Variants in LDLRAP1 observed in about 807,000 individuals in gnomAD.
The protein encoded by LDLRAP1 is low density lipoprotein receptor adaptor protein 1, also known as low density lipoprotein receptor adapter protein 1.
A neutral mutation model predicts 37.8 loss-of-function variants in LDLRAP1; 30 were observed. The ratio of observed to expected loss-of-function variants is 0.79; its 90% CI spans 0.59 to 1.08. The LOEUF is 1.08. Among genes scored for constraint, LDLRAP1 ranks in the 50% least tolerant of loss-of-function variants. The probability of loss-of-function intolerance (pLI) is 0.00; values close to 1 mark genes in which losing one functional copy is unlikely to be tolerated. For synonymous variants in LDLRAP1, 156 were observed against 169.8 expected, an observed-to-expected ratio of 0.92 and a Z score of 0.63; for missense variants, 375 against 401.6, an observed-to-expected ratio of 0.93 and a Z score of 0.57.
chr1:25,573,436 G>A (rs1368818144), downstream of LDLRAP1, among the ~76,000 whole-genome samples: 2 of 152,182 alleles, frequency 1.3e-5, no homozygotes, highest in Non-Finnish European at 2.9e-5. Context: ...TGTAGGTCCC[G>A]GTGGCTGCAT....
chr1:25,582,845 G>A, the LDLRAP1 span, among the ~76,000 whole-genome samples: 1 of 152,032 alleles, frequency 6.6e-6, no homozygotes, highest in East Asian at 1.9e-4. Context: ...GCCGAGGTGG[G>A]CGGATTACCT....
At chr1:25,586,710 C>T in the LDLRAP1 span, among the ~76,000 whole-genome samples, 1 of 152,258 alleles carries the variant, frequency 6.6e-6, no homozygotes, top group Non-Finnish European at 1.5e-5. The surrounding 1 kb of genome is among the most constrained non-coding windows in gnomAD (Gnocchi z 4.3). Flanking sequence ...GCTTCTCCTG[C>T]CTCACTCCCA....
the LDLRAP1 span, among the ~76,000 whole-genome samples, chr1:25,574,699 G>C: frequency 4.6e-5 from 7 of 152,148 alleles, no homozygotes; most frequent in African/African-American, 1.7e-4. Context: ...CGAGTGTTCT[G>C]GGCATGCTAT....
intron 3 of LDLRAP1, among the ~76,000 whole-genome samples, chr1:25,556,570 C>G (rs74060929): frequency 1.3e-5 from 2 of 152,064 alleles, no homozygotes; most frequent in Non-Finnish European, 2.9e-5. Flanking sequence ...GGGCATGGAT[C>G]GGAGGGCAGG....
At chr1:25,576,536 A>G in the LDLRAP1 span, among the ~76,000 whole-genome samples, 2 of 152,346 alleles carry the variant, frequency 1.3e-5, no homozygotes. Context: ...CAAAAAAACA[A>G]AAAACAAAAT....
intron 1 of LDLRAP1, among the ~76,000 whole-genome samples, chr1:25,548,333 CTCTT>C (rs1468328281): frequency 1.6e-5 from 2 of 124,470 alleles, no homozygotes. Context: ...TGGATGGATA[CTCTT>C]TTTTTTTTTT....
At chr1:25,577,826 A>G in the LDLRAP1 span, among the ~76,000 whole-genome samples, 577 of 152,298 alleles carry the variant, frequency 3.8e-3, 1 homozygote, top group African/African-American at 0.013. Context: ...AATGGGGGTG[A>G]TAGTGGGGCT....
At chr1:25,582,313 G>T in the LDLRAP1 span, among the ~76,000 whole-genome samples, 3 of 152,292 alleles carry the variant, frequency 2.0e-5, no homozygotes, top group Non-Finnish European at 4.4e-5. Flanking sequence ...TGGTCTGGGC[G>T]TGGTGGCTCA....
At chr1:25,549,243 G>T (rs2124647996) in intron 1 of LDLRAP1, among the ~76,000 whole-genome samples, 1 of 152,340 alleles carries the variant, frequency 6.6e-6, no homozygotes, top group South Asian at 2.1e-4. Context: ...CTACACTCCA[G>T]GTCAGGGCAG....
At chr1:25,569,093 C>T (rs2044562739), downstream of LDLRAP1, among the ~76,000 whole-genome samples, 1 of 152,072 alleles carries the variant, frequency 6.6e-6, no homozygotes, top group Non-Finnish European at 1.5e-5. Context: ...GATGAGGTCA[C>T]CTCTGGATGA....
chr1:25,565,028 GGCCTGCCTGAGGCCGT>G lies in LDLRAP1; in HGVS notation c.748-140_748-125del, dbSNP rs2044439582. The G allele has an allele frequency of 8.6e-6, 7 of 816,196 alleles. No individual in the cohort carries two copies. In the Admixed American group the frequency reaches 1.3e-4, roughly 15 times the overall value. 50.6% of individuals were successfully genotyped at this position (816,196 alleles called of 1,614,324 possible). On this transcript the variant is annotated intron_variant, in intron 7 of 8. Coordinates refer to ENST00000374338, the MANE Select transcript of LDLRAP1 (RefSeq NM_015627.3). The stretch of plus-strand genomic sequence containing the variant: ...ATGCTGGCGATGCACCCAGGCAGGA[GGCCTGCCTGAGGCCGT>G]GCCTCCAGGCGCCCACCCTGAGCTT...
At chr1:25,584,212 T>A in the LDLRAP1 span, among the ~76,000 whole-genome samples, 3 of 152,134 alleles carry the variant, frequency 2.0e-5, no homozygotes, top group Admixed American at 6.5e-5. Context: ...TGTGGTTATC[T>A]GGCTCCTAGA....
chr1:25,543,857 G>C (rs2043863645), intron 1 of LDLRAP1, 71 bp downstream of exon 1: 1 of 1,023,884 alleles, frequency 9.8e-7, no homozygotes, highest in Non-Finnish European at 1.2e-6. Flanking sequence ...GCGGGCGCCC[G>C]GAGTGCGGCC....
chr1:25,557,376 TAAG>T (rs998017881), intron 4 of LDLRAP1, 109 bp downstream of exon 4: 59 of 836,696 alleles, frequency 7.1e-5, no homozygotes, highest in Non-Finnish European at 1.0e-4. Flanking sequence ...GACCATTACT[TAAG>T]AAGAGGGTGA....
At position 25,543,778 on chromosome 1, in the gene LDLRAP1, G is replaced by C; in HGVS notation, c.80G>C (p.Arg27Pro). 2.3e-5 allele frequency: 28 copies of C among 1,207,786 alleles called. No homozygotes were observed. Among genetic ancestry groups the C allele is most frequent in the Non-Finnish European group, 2.9e-5 (28 of 972,174 alleles). 74.8% of individuals were successfully genotyped at this position (1,207,786 alleles called of 1,614,324 possible). A position where few individuals can be genotyped will look rare whatever the true frequency, so the allele number is the denominator to read the frequency against. ...AAGCAGAGCTGGGGGGGCGGTGGCC[G>C]GCACCGCAGTGAGTGTGCGCGCGTC... is the stretch of plus-strand genomic sequence containing the variant. ...LAKQSWGGGG[R>P]HRKLPENWTD... The change falls in exon 1 of 9, where the codon CGG (arginine) becomes CCG (proline). Residue 27 changes from arginine to proline, a missense_variant. By Grantham distance (103) the Arg-to-Pro change is moderately radical. Transcript: ENST00000374338.
Position 25,554,382 on chromosome 1 carries a change from A to G in LDLRAP1, c.231+318A>G, listed in dbSNP as rs1006611362. ...TTGCTTTCCCTTGACTACCTGCCCA[A>G]TGGCCTGAGAGACAGCATAGCCCAT... is the stretch of plus-strand genomic sequence containing the variant. On this transcript the variant is annotated intron_variant, in intron 2 of 8. Transcript: ENST00000374338. This position sits in a 1 kb window ranked among gnomAD's most constrained non-coding sequence, Gnocchi z 5.4. Among the ~76,000 whole-genome samples the G allele has an allele frequency of 7.9e-5, 12 of 152,132 alleles. No individual in the cohort carries two copies. Among genetic ancestry groups the G allele is most frequent in the Non-Finnish European group, 1.3e-4 (9 of 68,018 alleles).
Position 25,567,074 on chromosome 1 carries a change from C to A in LDLRAP1, c.*82C>A, listed in dbSNP as rs2044504622. On this transcript the variant is annotated 3_prime_UTR_variant, in exon 9 of 9. Transcript: ENST00000374338. ...TGCTGCGGGGGAGCCAGTTCTGGGG[C>A]CCGCCTGCCACCTCTCCCAGCCCTC... The A allele has an allele frequency of 6.5e-7, 1 of 1,540,794 alleles. No individual in the cohort carries two copies. The highest frequency in any genetic ancestry group is 1.1e-5 in the South Asian group (1 of 87,992).
At chr1:25,585,560 T>C in the LDLRAP1 span, among the ~76,000 whole-genome samples, 213 of 152,212 alleles carry the variant, frequency 1.4e-3, no homozygotes, top group Non-Finnish European at 1.5e-3. Context: ...CTCCTGACCT[T>C]GTGATCCGCC....
chr1:25,552,565 A>G (rs973911950), intron 1 of LDLRAP1, among the ~76,000 whole-genome samples: 4 of 152,274 alleles, frequency 2.6e-5, no homozygotes, highest in Admixed American at 2.6e-4. Flanking sequence ...AACACCTCCT[A>G]CAAGCACAGC....
Sources: gnomAD v4.1 joint callset for allele counts (sites outside exome capture counted in the v4.1 genomes callset) on GRCh38, gnomAD v4.1.1 for gene constraint, Gnocchi (gnomAD v3.1) non-coding constraint, MANE v1.5 for transcripts, NCBI Gene and HGNC (gene_info 2026-07-23, HGNC 2026-07-21) for gene names.